Variants in PIK3R6 observed in about 807,000 individuals in gnomAD.
PIK3R6 encodes the protein phosphoinositide-3-kinase regulatory subunit 6.
PIK3R6 carries 91 observed loss-of-function variants against 84.9 expected under a neutral mutation model. The observed-to-expected ratio is 1.07, with a 90% CI of 0.90 to 1.28. The LOEUF (loss-of-function observed/expected upper bound fraction) is 1.28. PIK3R6 is among the 50% of genes most tolerant of loss of function. The pLI, the probability that PIK3R6 is intolerant of heterozygous loss-of-function variation, is 0.00. For synonymous variants in PIK3R6, 416 were observed against 411.4 expected, an observed-to-expected ratio of 1.01 and a Z score of -0.13; for missense variants, 996 against 985.1, an observed-to-expected ratio of 1.01 and a Z score of -0.15.
intron 17 of PIK3R6, among the ~76,000 whole-genome samples, chr17:8,821,644 C>A (rs1336441218): frequency 6.6e-6 from 1 of 152,166 alleles, no homozygotes; most frequent in Non-Finnish European, 1.5e-5. Context: ...TCTCAGCAGG[C>A]TGCTGAGGCT....
intron 13 of PIK3R6, among the ~76,000 whole-genome samples, chr17:8,824,365 A>C (rs536407009): frequency 4.6e-5 from 7 of 152,382 alleles, no homozygotes; most frequent in Non-Finnish European, 8.8e-5. Flanking sequence ...ATGATAAAGC[A>C]TAGTGACTGG....
At chr17:8,826,116 GT>G (rs1339211544) in intron 13 of PIK3R6, among the ~76,000 whole-genome samples, 1 of 152,098 alleles carries the variant, frequency 6.6e-6, no homozygotes, top group Non-Finnish European at 1.5e-5. Context: ...TAATCTCTTT[GT>G]GCCTCAGCTG....
rs2088720404 is a variant in PIK3R6 at position 8,842,837 on chromosome 17, T to A, written c.14-3140A>T. ...TGCTTTATATTCTATTTAATCTATA[T>A]CTGAATTGCTTCAGATTCCTTTGGA... On this transcript the variant is annotated intron_variant, in intron 2 of 19. Coordinates refer to ENST00000619866, the MANE Select transcript of PIK3R6 (RefSeq NM_001010855.4). This position sits in a 1 kb window ranked among gnomAD's most constrained non-coding sequence, Gnocchi z 4.5. Among the ~76,000 whole-genome samples the A allele has an allele frequency of 6.6e-6, 1 of 152,248 alleles. No individual in the cohort carries two copies.
At chr17:8,819,628 C>A (rs758134962) in intron 17 of PIK3R6, among the ~76,000 whole-genome samples, 5 of 149,992 alleles carry the variant, frequency 3.3e-5, no homozygotes, top group Admixed American at 1.3e-4. Flanking sequence ...GCCAACAGGT[C>A]AAGGTTTCTT....
intron 9 of PIK3R6, among the ~76,000 whole-genome samples, chr17:8,831,328 TA>T (rs60650147): frequency 0.03 from 988 of 33,036 alleles, 9 homozygotes; most frequent in Non-Finnish European, 0.032. Flanking sequence ...AGACCCTGTC[TA>T]AAAAAAAAAA....
chr17:8,803,214 A>G lies in PIK3R6; in HGVS notation c.*59T>C. 6.3e-7 allele frequency: 1 copy of G among 1,598,580 alleles called. No individual in the cohort carries two copies. Among genetic ancestry groups the G allele is most frequent in the Admixed American group, 1.7e-5 (1 of 59,204 alleles). On this transcript the variant is annotated 3_prime_UTR_variant, in exon 20 of 20. Coordinates refer to ENST00000619866, the MANE Select transcript of PIK3R6 (RefSeq NM_001010855.4). This position sits in a 1 kb window ranked among gnomAD's most constrained non-coding sequence, Gnocchi z 5.0. ...GGGCCTTGCTCTGGCTGTTGGTGTG[A>G]GTGTTTGGAGTTGGTGGGGTAGTGT... is the stretch of plus-strand genomic sequence containing the variant.
chr17:8,830,514 TA>T (rs1163022991), intron 9 of PIK3R6, among the ~76,000 whole-genome samples: 1 of 152,228 alleles, frequency 6.6e-6, no homozygotes, highest in Non-Finnish European at 1.5e-5. Context: ...GCAAGCTTCT[TA>T]GGGGAGAGCA....
At chr17:8,833,163 G>A (rs929597667) in intron 8 of PIK3R6, 118 bp from the exon 9 acceptor site, 2 of 1,360,926 alleles carry the variant, frequency 1.5e-6, no homozygotes, top group Non-Finnish European at 1.9e-6. Flanking sequence ...TGCCCCTGGG[G>A]GCCCGGCAGG....
intron 18 of PIK3R6, among the ~76,000 whole-genome samples, chr17:8,813,790 C>T (rs1183278157): frequency 6.6e-6 from 1 of 151,466 alleles, no homozygotes; most frequent in Non-Finnish European, 1.5e-5. Context: ...GACAAACCCA[C>T]AGTCAACATC....
chr17:8,851,341 C>CA (rs2088959158), intron 1 of PIK3R6, among the ~76,000 whole-genome samples: 1 of 151,974 alleles, frequency 6.6e-6, no homozygotes. Context: ...ACTAAAAATA[C>CA]AAAAATTAGC....
At chr17:8,827,546 T>G (rs1169039523) in intron 12 of PIK3R6, among the ~76,000 whole-genome samples, 1 of 152,110 alleles carries the variant, frequency 6.6e-6, no homozygotes, top group Non-Finnish European at 1.5e-5. Context: ...CAAGTATGGC[T>G]TTGACCTTAC....
At chr17:8,840,689 T>A (rs2088649389) in intron 2 of PIK3R6, among the ~76,000 whole-genome samples, 1 of 148,342 alleles carries the variant, frequency 6.7e-6, no homozygotes, top group South Asian at 2.1e-4. Flanking sequence ...AAAATATATA[T>A]ATAAAAAACT....
At position 8,828,673 on chromosome 17, in the gene PIK3R6, C is replaced by T. The variant is rs2088038223; in HGVS notation, c.1207G>A (p.Asp403Asn). The change falls in exon 11 of 20, where the codon GAT (aspartate) becomes AAT (asparagine). Residue 403 changes from aspartate to asparagine, a missense_variant. Physicochemically the swap from Asp to Asn is conservative, Grantham distance 23. Transcript: ENST00000619866. Reference protein sequence around the residue: ...LHRRTGRPSGDGEMLPGVSRL... With the variant: ...LHRRTGRPSGNGEMLPGVSRL... The stretch of plus-strand genomic sequence containing the variant: ...GACACGCCGGGCAGCATTTCCCCAT[C>T]CCCACTGGGCCGGCCTGTCCTCCGG... The T allele has an allele frequency of 6.2e-7, 1 of 1,612,246 alleles. No homozygotes were observed. Among genetic ancestry groups the T allele is most frequent in the South Asian group, 1.1e-5 (1 of 90,850 alleles).
intron 10 of PIK3R6, 116 bp downstream of exon 10, chr17:8,829,590 A>C (rs990803527): frequency 2.8e-6 from 3 of 1,075,910 alleles, no homozygotes; most frequent in Non-Finnish European, 4.1e-6. Flanking sequence ...ACACTGACAC[A>C]CACTCATGCA....
intron 1 of PIK3R6, among the ~76,000 whole-genome samples, chr17:8,856,836 T>C (rs1406457512): frequency 6.6e-6 from 1 of 151,818 alleles, no homozygotes; most frequent in Non-Finnish European, 1.5e-5. Context: ...TATTTTTTAC[T>C]GTGTAACAGA....
At chr17:8,804,477 A>G (rs1001477453) in intron 18 of PIK3R6, among the ~76,000 whole-genome samples, 3 of 151,994 alleles carry the variant, frequency 2.0e-5, no homozygotes, top group African/African-American at 7.2e-5. Context: ...TTTTCCGAGC[A>G]CCTCCTCTAT....
chr17:8,829,192 T>TACAC (rs1555532931), intron 10 of PIK3R6, among the ~76,000 whole-genome samples: 1 of 146,334 alleles, frequency 6.8e-6, no homozygotes, highest in Admixed American at 6.7e-5. Context: ...CAGACAGACA[T>TACAC]ACACACACGT....
intron 2 of PIK3R6, among the ~76,000 whole-genome samples, chr17:8,848,131 T>C (rs2088855373): frequency 6.6e-6 from 1 of 152,166 alleles, no homozygotes; most frequent in Non-Finnish European, 1.5e-5. Context: ...AAGGACACTG[T>C]CTATCTCTCT....
At chr17:8,805,004 G>T (rs2087161341) in intron 18 of PIK3R6, among the ~76,000 whole-genome samples, 1 of 152,302 alleles carries the variant, frequency 6.6e-6, no homozygotes, top group East Asian at 1.9e-4. Context: ...CCACTGAGTT[G>T]TTCAGTGTCA....
Sources: gnomAD v4.1 joint callset for allele counts (sites outside exome capture counted in the v4.1 genomes callset) on GRCh38, gnomAD v4.1.1 for gene constraint, Gnocchi (gnomAD v3.1) non-coding constraint, MANE v1.5 for transcripts, NCBI Gene and HGNC (gene_info 2026-07-23, HGNC 2026-07-21) for gene names.